The following CCSER1 variants were observed in gnomAD, a reference collection of about 807,000 sequenced individuals.
CCSER1 encodes coiled-coil serine rich protein 1, also known as serine-rich coiled-coil domain-containing protein 1.
CCSER1 carries 41 observed loss-of-function variants against 82.0 expected under a neutral mutation model. The ratio of observed to expected loss-of-function variants is 0.50; its 90% CI spans 0.39 to 0.65. The LOEUF (loss-of-function observed/expected upper bound fraction) is 0.65. CCSER1 is among the 30% of genes least tolerant of loss of function. The pLI is 0.00. For synonymous variants in CCSER1, 414 were observed against 383.9 expected, an observed-to-expected ratio of 1.08 and a Z score of -0.92; for missense variants, 1,119 against 1,064.2, an observed-to-expected ratio of 1.05 and a Z score of -0.72.
intron 6 of CCSER1, among the ~76,000 whole-genome samples, chr4:90,691,740 G>C (rs1437932882): frequency 2.0e-5 from 3 of 151,494 alleles, no homozygotes; most frequent in African/African-American, 4.8e-5. Context: ...ACATATGCAG[G>C]TTTGTTATAT....
In CCSER1 at chr4:91,567,557, T is replaced by C. The variant is rs570813326; in HGVS notation, c.2218-31015T>C. ...TAAGAACTTGCTTTATGAATCTGGG[T>C]GCTCTTGTGTTGTGTGCATATATAT... On this transcript the variant is annotated intron_variant, in intron 10 of 10. Coordinates refer to ENST00000509176, the MANE Select transcript of CCSER1 (RefSeq NM_001145065.2). 1.1e-4 allele frequency among the ~76,000 whole-genome samples: 17 copies of C among 152,284 alleles called. 1 individual carries two copies. In the South Asian group the frequency reaches 3.5e-3, roughly 32 times the overall value.
intron 8 of CCSER1, among the ~76,000 whole-genome samples, chr4:90,844,799 G>A (rs1022387761): frequency 2.0e-5 from 3 of 152,096 alleles, no homozygotes; most frequent in Non-Finnish European, 4.4e-5. Context: ...AGTGACAGAA[G>A]ACAGAGGTTT....
intron 8 of CCSER1, among the ~76,000 whole-genome samples, chr4:90,865,005 A>G (rs980783555): frequency 6.6e-6 from 1 of 152,072 alleles, no homozygotes; most frequent in African/African-American, 2.4e-5. Flanking sequence ...GAAAATTTCA[A>G]TGTCATAAGA....
intron 10 of CCSER1, among the ~76,000 whole-genome samples, chr4:91,402,742 C>G (rs1038653939): frequency 6.6e-5 from 10 of 151,894 alleles, no homozygotes; most frequent in African/African-American, 2.4e-4. Context: ...CTGTTCTGTT[C>G]TATTGGTCTA....
chr4:91,540,124 A>G (rs1265580778), intron 10 of CCSER1, among the ~76,000 whole-genome samples: 1 of 152,110 alleles, frequency 6.6e-6, no homozygotes, highest in Non-Finnish European at 1.5e-5. Flanking sequence ...AATGAAAACT[A>G]TGAAGTTCCC....
chr4:91,559,788 G>GTAAGT (rs1320520155), intron 10 of CCSER1, among the ~76,000 whole-genome samples: 1 of 151,184 alleles, frequency 6.6e-6, no homozygotes, highest in Non-Finnish European at 1.5e-5. Context: ...TTTTTCTAAT[G>GTAAGT]TAAGTTGTAC....
At chr4:91,429,816 T>G (rs951023608) in intron 10 of CCSER1, among the ~76,000 whole-genome samples, 3 of 151,882 alleles carry the variant, frequency 2.0e-5, no homozygotes, top group South Asian at 2.1e-4. Flanking sequence ...GTCTATAATC[T>G]CAGTTACGTG....
intron 3 of CCSER1, among the ~76,000 whole-genome samples, chr4:90,351,613 A>C (rs1379084837): frequency 6.6e-6 from 1 of 152,192 alleles, no homozygotes; most frequent in African/African-American, 2.4e-5. Context: ...GTGTAAAAAA[A>C]AGTACATTGT....
chr4:90,590,538 C>T (rs1203351696), intron 5 of CCSER1, among the ~76,000 whole-genome samples: 1 of 151,644 alleles, frequency 6.6e-6, no homozygotes, highest in East Asian at 1.9e-4. Context: ...CGAGATCGCG[C>T]TATTGCACAC....
chr4:90,410,712 T>TAAAAC (rs568256065), intron 4 of CCSER1, among the ~76,000 whole-genome samples: 1,541 of 150,480 alleles, frequency 0.01, 17 homozygotes, highest in South Asian at 0.03. Flanking sequence ...ACATCACAAT[T>TAAAAC]AACTAGAGAA....
chr4:91,361,097 CT>C (rs113916045), intron 10 of CCSER1, among the ~76,000 whole-genome samples: 1 of 151,116 alleles, frequency 6.6e-6, no homozygotes, highest in East Asian at 1.9e-4. Flanking sequence ...AGGAAATGGC[CT>C]TTTTTTTAGT....
intron 10 of CCSER1, among the ~76,000 whole-genome samples, chr4:91,383,204 C>T (rs1217839953): frequency 6.6e-6 from 1 of 151,932 alleles, no homozygotes; most frequent in African/African-American, 2.4e-5. Context: ...TGATGTATGC[C>T]TGTATTGTGC....
intron 9 of CCSER1, among the ~76,000 whole-genome samples, chr4:90,942,116 T>G (rs1232482154): frequency 6.6e-6 from 1 of 151,932 alleles, no homozygotes; most frequent in Non-Finnish European, 1.5e-5. Context: ...CTCAGCTCAT[T>G]TTTTTGTATT....
intron 4 of CCSER1, among the ~76,000 whole-genome samples, chr4:90,428,673 G>A (rs1757860861): frequency 6.6e-6 from 1 of 151,808 alleles, no homozygotes; most frequent in African/African-American, 2.4e-5. Flanking sequence ...GAAGAGAAGG[G>A]ATTGTTCTTG....
At chr4:91,152,288 G>T (rs1376621516) in intron 10 of CCSER1, among the ~76,000 whole-genome samples, 12 of 152,050 alleles carry the variant, frequency 7.9e-5, no homozygotes, top group Non-Finnish European at 1.3e-4. Flanking sequence ...TAGAGACTAG[G>T]ATTGCAACCC....
At chr4:90,645,188 A>G (rs1456443413) in intron 6 of CCSER1, among the ~76,000 whole-genome samples, 4 of 152,126 alleles carry the variant, frequency 2.6e-5, no homozygotes, top group South Asian at 2.1e-4. Context: ...ATCAAGTTAC[A>G]TTGTTTCATA....
At chr4:90,847,713 A>G (rs1652490045) in intron 8 of CCSER1, among the ~76,000 whole-genome samples, 1 of 152,200 alleles carries the variant, frequency 6.6e-6, no homozygotes, top group Non-Finnish European at 1.5e-5. Flanking sequence ...AATCCAGAAA[A>G]CAATATAAAA....
chr4:90,857,568 A>G (rs1435124395), intron 8 of CCSER1, among the ~76,000 whole-genome samples: 1 of 152,140 alleles, frequency 6.6e-6, no homozygotes, highest in African/African-American at 2.4e-5. Context: ...GGAAAATTAC[A>G]TAAAGTGCAT....
At chr4:91,283,890 T>C (rs920002182) in intron 10 of CCSER1, among the ~76,000 whole-genome samples, 8 of 152,232 alleles carry the variant, frequency 5.3e-5, no homozygotes, top group Admixed American at 4.6e-4. Flanking sequence ...GTTGTAAACA[T>C]GACTGTGTTC....
Sources: gnomAD v4.1 joint callset for allele counts (sites outside exome capture counted in the v4.1 genomes callset) on GRCh38, gnomAD v4.1.1 for gene constraint, MANE v1.5 for transcripts, NCBI Gene and HGNC (gene_info 2026-07-23, HGNC 2026-07-21) for gene names.